The following LTBP2 variants were observed in gnomAD, a reference collection of about 807,000 sequenced individuals.
The protein encoded by LTBP2 is latent transforming growth factor beta binding protein 2, also known as latent-transforming growth factor beta-binding protein 2.
In LTBP2, 103 loss-of-function variants were observed where a neutral mutation model predicts 210.6. The ratio of observed to expected loss-of-function variants is 0.49; its 90% CI spans 0.42 to 0.58. The LOEUF (loss-of-function observed/expected upper bound fraction) is 0.58, where lower values mean the gene tolerates loss of function less well. LTBP2 is among the 20% of genes least tolerant of loss of function. LTBP2 has a pLI of 0.00. For missense variants in LTBP2, 2,313 were observed against 2,494.5 expected (o/e 0.93, Z 1.55); for synonymous variants, 1,007 against 1,015.0 (o/e 0.99, Z 0.15).
intron 1 of LTBP2, among the ~76,000 whole-genome samples, chr14:74,609,051 G>T (rs1239469455): frequency 6.6e-6 from 1 of 152,230 alleles, no homozygotes; most frequent in African/African-American, 2.4e-5. Context: ...GCAGTTCCAA[G>T]ATTCACCAGG....
At chr14:74,531,153 G>C (rs2087344962) in intron 10 of LTBP2, among the ~76,000 whole-genome samples, 1 of 152,186 alleles carries the variant, frequency 6.6e-6, no homozygotes, top group Non-Finnish European at 1.5e-5. Context: ...ACTGGACCTG[G>C]TCAGGCGGCA....
intron 3 of LTBP2, among the ~76,000 whole-genome samples, chr14:74,580,643 A>T (rs2088123887): frequency 6.6e-6 from 1 of 152,112 alleles, no homozygotes; most frequent in South Asian, 2.1e-4. Flanking sequence ...ATTTTAAGCC[A>T]CTCAGTGTGT....
At chr14:74,563,253 C>A (rs1277772000) in intron 3 of LTBP2, among the ~76,000 whole-genome samples, 1 of 152,188 alleles carries the variant, frequency 6.6e-6, no homozygotes, top group African/African-American at 2.4e-5. Flanking sequence ...TCTTTCCTTT[C>A]GCATTTCCCC....
At chr14:74,578,957 G>C (rs2088099237) in intron 3 of LTBP2, among the ~76,000 whole-genome samples, 1 of 152,238 alleles carries the variant, frequency 6.6e-6, no homozygotes, top group African/African-American at 2.4e-5. Flanking sequence ...CCGGGTTCAA[G>C]CAATTCCCCT....
intron 3 of LTBP2, among the ~76,000 whole-genome samples, chr14:74,584,569 C>T (rs2088178050): frequency 6.6e-6 from 1 of 152,142 alleles, no homozygotes; most frequent in African/African-American, 2.4e-5. Context: ...TGCTCACTGC[C>T]AATCCCAGGC....
intron 3 of LTBP2, among the ~76,000 whole-genome samples, chr14:74,581,661 C>A (rs75257292): frequency 5.3e-5 from 8 of 152,044 alleles, no homozygotes; most frequent in Non-Finnish European, 1.2e-4. Flanking sequence ...GCGAGGAAAC[C>A]GAGCCCCCCT....
intron 17 of LTBP2, 92 bp downstream of exon 17, chr14:74,521,819 G>A (rs1325868292): frequency 1.2e-5 from 19 of 1,539,908 alleles, no homozygotes; most frequent in African/African-American, 6.8e-5. Flanking sequence ...CCCATTCTGC[G>A]GCACGGTGTT....
Position 74,596,135 on chromosome 14 carries a change from G to A in LTBP2, c.565+7500C>T, listed in dbSNP as rs180996969. Among the ~76,000 whole-genome samples, 40 of 152,176 alleles carry A rather than the reference G, an allele frequency of 2.6e-4. No homozygotes were observed. The East Asian group carries it at 7.5e-3, about 29-fold the overall frequency. ...AGCTACTTGAGAGGCTGAGGGAGGA[G>A]AACTGCTTGAACCTGGGAGGCCGAG... On this transcript the variant is annotated intron_variant, in intron 2 of 35. Coordinates refer to ENST00000261978, the MANE Select transcript of LTBP2 (RefSeq NM_000428.3).
rs566807785 is a variant in LTBP2 at position 74,567,961 on chromosome 14, C to T, written c.831-12268G>A. Among the ~76,000 whole-genome samples the T allele has an allele frequency of 1.1e-4, 17 of 152,284 alleles. No individual in the cohort carries two copies. The South Asian group carries it at 2.7e-3, about 24-fold the overall frequency. ...TTTCATGAATTCGTCGTTCAACCAC[C>T]GCCAACGTGCACCGTCCCATCAGGC... On this transcript the variant is annotated intron_variant, in intron 3 of 35. Transcript: ENST00000261978.
chr14:74,607,047 C>A (rs1002185541), intron 1 of LTBP2, among the ~76,000 whole-genome samples: 1 of 152,136 alleles, frequency 6.6e-6, no homozygotes, highest in Non-Finnish European at 1.5e-5. Context: ...ATGTGGTATA[C>A]AATTGATACT....
chr14:74,507,502 G>A (rs910461060), intron 25 of LTBP2, among the ~76,000 whole-genome samples, 192 bp from the exon 26 acceptor site: 6 of 152,202 alleles, frequency 3.9e-5, no homozygotes, highest in Non-Finnish European at 8.8e-5. Context: ...GAAGAGAACC[G>A]TATGCTATTT....
chr14:74,513,832 G>T (rs862053), intron 18 of LTBP2, among the ~76,000 whole-genome samples: 96,344 of 151,546 alleles, frequency 0.64, 30,726 homozygotes, highest in East Asian at 0.74. Context: ...AACAAACTTG[G>T]CTGCTATGTC....
intron 17 of LTBP2, among the ~76,000 whole-genome samples, chr14:74,518,488 G>A (rs922383038): frequency 2.6e-5 from 4 of 152,132 alleles, no homozygotes; most frequent in African/African-American, 7.2e-5. Flanking sequence ...CTACACACCA[G>A]TGTGACTGCC....
At chr14:74,547,909 G>A (rs1595267922) in intron 8 of LTBP2, among the ~76,000 whole-genome samples, 2 of 152,178 alleles carry the variant, frequency 1.3e-5, no homozygotes, top group East Asian at 3.9e-4. Flanking sequence ...TTCTACAGGA[G>A]AGCCAGGGCT....
Position 74,607,498 on chromosome 14 carries a change from G to C in LTBP2, c.495-3793C>G, listed in dbSNP as rs573355102. The stretch of plus-strand genomic sequence containing the variant: ...GCAAAAAAATTCAGTAGAATTTTTA[G>C]AAAATTACTTTTAGAAAAAGTAATT... On this transcript the variant is annotated intron_variant, in intron 1 of 35. Coordinates refer to ENST00000261978, the MANE Select transcript of LTBP2 (RefSeq NM_000428.3). 5.3e-5 allele frequency among the ~76,000 whole-genome samples: 8 copies of C among 152,214 alleles called. No individual in the cohort carries two copies. In the East Asian group the frequency reaches 1.3e-3, roughly 26 times the overall value.
intron 1 of LTBP2, among the ~76,000 whole-genome samples, chr14:74,610,075 AC>A (rs2088583388): frequency 6.6e-6 from 1 of 152,198 alleles, no homozygotes; most frequent in African/African-American, 2.4e-5. Flanking sequence ...TTCAACAGAT[AC>A]CTAGAGAATA....
At chr14:74,571,637 G>C (rs758694519) in intron 3 of LTBP2, among the ~76,000 whole-genome samples, 1 of 152,222 alleles carries the variant, frequency 6.6e-6, no homozygotes, top group Non-Finnish European at 1.5e-5. Flanking sequence ...AAAAAAGAAA[G>C]AAATGTGGAA....
chr14:74,506,948 T>C, intron 26 of LTBP2, 125 bp from the exon 27 acceptor site: 4 of 1,551,380 alleles, frequency 2.6e-6, no homozygotes, highest in South Asian at 2.4e-5. Flanking sequence ...AGAATACTTA[T>C]TTGGCTTATT....
chr14:74,509,059 C>A, intron 22 of LTBP2, 107 bp from the exon 23 acceptor site: 2 of 1,576,110 alleles, frequency 1.3e-6, no homozygotes, highest in Non-Finnish European at 1.7e-6. Context: ...CAGAGCTGGA[C>A]CCACGGGGGA....
Sources: gnomAD v4.1 joint callset for allele counts (sites outside exome capture counted in the v4.1 genomes callset) on GRCh38, gnomAD v4.1.1 for gene constraint, MANE v1.5 for transcripts, NCBI Gene and HGNC (gene_info 2026-07-23, HGNC 2026-07-21) for gene names.